SGCZ: variants seen among roughly 807,000 people sequenced by gnomAD.
SGCZ encodes the protein sarcoglycan zeta.
In SGCZ, 40 loss-of-function variants were observed where a neutral mutation model predicts 41.3. The ratio of observed to expected loss-of-function variants is 0.97; its 90% CI spans 0.75 to 1.26. The LOEUF is 1.26. Among genes scored for constraint, SGCZ ranks in the 50% most tolerant of loss-of-function variants. The pLI, the probability that SGCZ is intolerant of heterozygous loss-of-function variation, is 0.00. For missense variants in SGCZ, 552 were observed against 369.8 expected (o/e 1.49, Z -4.04); for synonymous variants, 206 against 137.5 (o/e 1.50, Z -3.49).
At chr8:14,181,131 G>A (rs748178104) in intron 4 of SGCZ, among the ~76,000 whole-genome samples, 8 of 152,212 alleles carry the variant, frequency 5.3e-5, no homozygotes, top group Admixed American at 6.5e-5. Context: ...TAGGGCCAAC[G>A]GGAGAAAACC....
At position 14,423,679 on chromosome 8, in the gene SGCZ, G is replaced by A. The variant is rs537646374; in HGVS notation, c.235-99475C>T. Among the ~76,000 whole-genome samples the A allele has an allele frequency of 3.9e-5, 6 of 152,264 alleles. No homozygotes were observed. In the South Asian group the frequency reaches 1.2e-3, roughly 32 times the overall value. ...TCCGCCTGCCTTGGCCTCCCAAAGT[G>A]CTGGTATTACAGGCGTAAGCCACTG... On this transcript the variant is annotated intron_variant, in intron 2 of 7. Coordinates refer to ENST00000382080, the MANE Select transcript of SGCZ (RefSeq NM_139167.4).
intron 1 of SGCZ, among the ~76,000 whole-genome samples, chr8:14,952,648 C>G (rs1800676516): frequency 6.6e-6 from 1 of 152,072 alleles, no homozygotes; most frequent in African/African-American, 2.4e-5. Flanking sequence ...TGGTTTATAG[C>G]CCTCAGGAGA....
At chr8:15,227,009 G>A (rs1801797236) in intron 1 of SGCZ, among the ~76,000 whole-genome samples, 2 of 152,156 alleles carry the variant, frequency 1.3e-5, no homozygotes, top group African/African-American at 4.8e-5. Flanking sequence ...GAGAATGAAA[G>A]GTGTGCTCCA....
intron 2 of SGCZ, among the ~76,000 whole-genome samples, chr8:14,344,607 C>T (rs762132710): frequency 1.1e-4 from 16 of 151,854 alleles, no homozygotes; most frequent in East Asian, 1.9e-4. Context: ...AAGGGGGGAA[C>T]GAAAGGCTTA....
chr8:14,707,147 G>A (rs575242351), intron 1 of SGCZ, among the ~76,000 whole-genome samples: 1 of 150,936 alleles, frequency 6.6e-6, no homozygotes, highest in Admixed American at 6.6e-5. Context: ...AACTCGTTAT[G>A]GCATTACCTA....
intron 7 of SGCZ, among the ~76,000 whole-genome samples, chr8:14,097,184 G>A (rs1801872553): frequency 6.6e-6 from 1 of 152,076 alleles, no homozygotes; most frequent in East Asian, 1.9e-4. Context: ...TAATTGTGAT[G>A]TTAGGGTGTT....
intron 3 of SGCZ, among the ~76,000 whole-genome samples, chr8:14,309,823 C>A (rs1563249478): frequency 6.6e-6 from 1 of 152,030 alleles, no homozygotes; most frequent in Non-Finnish European, 1.5e-5. Context: ...AAGTCTCATT[C>A]GCCTTTGTCT....
chr8:14,334,865 A>G lies in SGCZ; in HGVS notation c.235-10661T>C, dbSNP rs144624036. Reference sequence around the variant, plus strand: ...CTTCATATATACTTTTTTGTAATACATTCATTATACAGAAGTAACTTGTGT... The same window carrying G: ...CTTCATATATACTTTTTTGTAATACGTTCATTATACAGAAGTAACTTGTGT... On this transcript the variant is annotated intron_variant, in intron 2 of 7. Coordinates refer to ENST00000382080, the MANE Select transcript of SGCZ (RefSeq NM_139167.4). Among the ~76,000 whole-genome samples the G allele has an allele frequency of 1.8e-3, 272 of 152,266 alleles. 3 individuals are homozygous for G. Among genetic ancestry groups the G allele is most frequent in the African/African-American group, 5.7e-3 (239 of 41,568 alleles).
chr8:14,437,839 A>C (rs1248106241), intron 2 of SGCZ, among the ~76,000 whole-genome samples: 4 of 151,930 alleles, frequency 2.6e-5, no homozygotes, highest in African/African-American at 9.7e-5. Flanking sequence ...TAATTTTAAT[A>C]TAAGGATTTG....
chr8:14,224,321 A>G (rs1563196045), intron 4 of SGCZ, among the ~76,000 whole-genome samples: 4 of 152,190 alleles, frequency 2.6e-5, no homozygotes, highest in Admixed American at 1.3e-4. Flanking sequence ...TGACATTGCA[A>G]TGAGGTTCAG....
At chr8:14,417,669 T>A (rs2117295900) in intron 2 of SGCZ, among the ~76,000 whole-genome samples, 1 of 152,018 alleles carries the variant, frequency 6.6e-6, no homozygotes, top group Non-Finnish European at 1.5e-5. Flanking sequence ...CTAGAGTTAC[T>A]AATAACGTAT....
chr8:14,261,452 A>G (rs1177247593), intron 3 of SGCZ, among the ~76,000 whole-genome samples: 1 of 152,140 alleles, frequency 6.6e-6, no homozygotes, highest in Non-Finnish European at 1.5e-5. Context: ...GGTCGAGGTA[A>G]TATATATCAC....
chr8:14,561,426 C>T (rs1001541866), intron 1 of SGCZ, among the ~76,000 whole-genome samples: 10 of 152,178 alleles, frequency 6.6e-5, no homozygotes, highest in African/African-American at 2.4e-4. Context: ...TATCATAGTA[C>T]CAAGATGTTT....
At chr8:14,329,031 G>A (rs930366495) in intron 2 of SGCZ, among the ~76,000 whole-genome samples, 1 of 151,800 alleles carries the variant, frequency 6.6e-6, no homozygotes, top group Non-Finnish European at 1.5e-5. Flanking sequence ...GGACTTCCCA[G>A]CCTTCAAAAC....
At chr8:15,141,500 A>T (rs1399198705) in intron 1 of SGCZ, among the ~76,000 whole-genome samples, 1 of 152,264 alleles carries the variant, frequency 6.6e-6, no homozygotes, top group Admixed American at 6.5e-5. Flanking sequence ...GACAGATTTT[A>T]GGAAGTAATT....
intron 1 of SGCZ, among the ~76,000 whole-genome samples, chr8:14,728,816 C>G (rs1051405859): frequency 6.6e-6 from 1 of 152,050 alleles, no homozygotes; most frequent in Non-Finnish European, 1.5e-5. Context: ...AAGTTGAATG[C>G]GTGTGGTGAG....
chr8:15,188,162 C>T (rs1800407831), intron 1 of SGCZ, among the ~76,000 whole-genome samples: 1 of 152,008 alleles, frequency 6.6e-6, no homozygotes, highest in Admixed American at 6.6e-5. Context: ...CTCCAAACAT[C>T]ATAGTTCATT....
chr8:14,112,293 G>GT (rs1491283587), intron 5 of SGCZ, among the ~76,000 whole-genome samples: 1 of 143,992 alleles, frequency 6.9e-6, no homozygotes, highest in African/African-American at 2.6e-5. Flanking sequence ...TGGGGGGGGG[G>GT]TGCAAAGAAG....
At chr8:14,730,531 G>C (rs1311192664) in intron 1 of SGCZ, among the ~76,000 whole-genome samples, 1 of 151,954 alleles carries the variant, frequency 6.6e-6, no homozygotes, top group Non-Finnish European at 1.5e-5. Flanking sequence ...AATGAACTCA[G>C]AAGAAGGGAA....
Sources: allele counts gnomAD v4.1 joint callset (sites outside exome capture counted in the v4.1 genomes callset), GRCh38; gene constraint gnomAD v4.1.1; transcripts MANE v1.5; gene names NCBI Gene and HGNC (gene_info 2026-07-23, HGNC 2026-07-21).